HCN4: variants seen among roughly 807,000 people sequenced by gnomAD.
HCN4 encodes hyperpolarization activated cyclic nucleotide gated potassium channel 4.
In HCN4, 29 loss-of-function variants were observed where a neutral mutation model predicts 76.9. That is an observed-to-expected ratio of 0.38 (90% CI 0.28 to 0.51). HCN4 has a LOEUF of 0.51. HCN4 is among the 20% of genes least tolerant of loss of function. The pLI, the probability that HCN4 is intolerant of heterozygous loss-of-function variation, is 0.90. For missense variants in HCN4, 1,416 were observed against 1,715.2 expected, an observed-to-expected ratio of 0.83 and a Z score of 3.08; for synonymous variants, 772 against 762.5, an observed-to-expected ratio of 1.01 and a Z score of -0.21.
At position 73,337,388 on chromosome 15, in the gene HCN4, G is replaced by A. The variant is rs957986269; in HGVS notation, c.1210-5096C>T. Among the ~76,000 whole-genome samples, 17 of 152,126 alleles carry A rather than the reference G, an allele frequency of 1.1e-4. 1 individual carries two copies. Among genetic ancestry groups the A allele is most frequent in the African/African-American group, 2.9e-4 (12 of 41,430 alleles). Reference sequence around the variant, plus strand: ...TGAATAAATGCGCGTACATCTAAATGAATGAGTGGGTACCATATGGGAGCT... The same window carrying A: ...TGAATAAATGCGCGTACATCTAAATAAATGAGTGGGTACCATATGGGAGCT... On this transcript the variant is annotated intron_variant, in intron 2 of 7. Coordinates refer to ENST00000261917, the MANE Select transcript of HCN4 (RefSeq NM_005477.3).
At chr15:73,354,474 C>T (rs186454181) in intron 1 of HCN4, among the ~76,000 whole-genome samples, 6 of 152,320 alleles carry the variant, frequency 3.9e-5, no homozygotes, top group East Asian at 3.9e-4. Flanking sequence ...GGACTTCAGT[C>T]GGCTGTGGGG....
rs187267246 is a variant in HCN4, at chr15:73,361,782, G to A, written c.785+5704C>T. On this transcript the variant is annotated intron_variant, in intron 1 of 7. Coordinates refer to ENST00000261917, the MANE Select transcript of HCN4 (RefSeq NM_005477.3). ...AAGTGACAAGCAAGCCCAGCCCCCA[G>A]GGGCGGCTGCTGGCCATAGCCTGGG... Among the ~76,000 whole-genome samples the A allele has an allele frequency of 6.9e-3, 1,056 of 152,332 alleles. 52 individuals are homozygous for A. Among genetic ancestry groups the A allele is most frequent in the Admixed American group, 0.065 (990 of 15,310 alleles).
chr15:73,358,852 AT>A (rs1452049948), intron 1 of HCN4, among the ~76,000 whole-genome samples: 10 of 152,246 alleles, frequency 6.6e-5, no homozygotes, highest in Admixed American at 2.0e-4. Context: ...ATCAATCCAT[AT>A]TGATCTATTG....
rs371549467 is a variant in HCN4, at chr15:73,323,156, G to C, written c.2937C>G (p.Pro979=). The C allele has an allele frequency of 6.3e-7, 1 of 1,574,944 alleles. No homozygotes were observed. Among genetic ancestry groups the C allele is most frequent in the Non-Finnish European group, 8.6e-7 (1 of 1,161,660 alleles). The change falls in exon 8 of 8, where the codon CCC becomes CCG. Residue 979 remains proline, a synonymous_variant. Coordinates refer to ENST00000261917, the MANE Select transcript of HCN4 (RefSeq NM_005477.3). The part of the protein sequence containing the change: ...SSSPGQLGQP[P]GELSLGLATG... ...TGGCCAGACCTAGGGACAACTCCCC[G>C]GGAGGCTGGCCCAGCTGCCCGGGGC...
intron 1 of HCN4, among the ~76,000 whole-genome samples, chr15:73,350,417 C>T (rs1301225269): frequency 6.6e-6 from 1 of 152,200 alleles, no homozygotes; most frequent in Non-Finnish European, 1.5e-5. Context: ...GCTCCTCATG[C>T]CTCAATGTCA....
rs146393634 is a variant in HCN4, at chr15:73,330,970, C to G, written c.1371+1161G>C. 1.6e-3 allele frequency among the ~76,000 whole-genome samples: 240 copies of G among 152,366 alleles called. 1 individual carries two copies. Among genetic ancestry groups the G allele is most frequent in the Admixed American group, 0.014 (216 of 15,310 alleles). ...CATTTACACTTAGCTCATCAAAAGG[C>G]TGTTTTGTAAAGGCCTGTTTGATGC... On this transcript the variant is annotated intron_variant, in intron 3 of 7. Transcript: ENST00000261917.
chr15:73,352,278 G>T (rs1179205789), intron 1 of HCN4, among the ~76,000 whole-genome samples: 1 of 152,174 alleles, frequency 6.6e-6, no homozygotes, highest in Non-Finnish European at 1.5e-5. Context: ...AGGCTGAGTG[G>T]CAGGGAGCCC....
chr15:73,325,465 C>A lies in HCN4; in HGVS notation c.1591-21G>T. 1 of 1,613,390 alleles carries A rather than the reference C, an allele frequency of 6.2e-7. No individual in the cohort carries two copies. The highest frequency in any genetic ancestry group is 1.1e-5 in the South Asian group (1 of 91,076). On this transcript the variant is annotated intron_variant, in intron 4 of 7. Coordinates refer to ENST00000261917, the MANE Select transcript of HCN4 (RefSeq NM_005477.3). This position sits in a 1 kb window ranked among gnomAD's most constrained non-coding sequence, Gnocchi z 7.4. ...TTGTACTGAGGCCGGGAGAAGGGGG[C>A]GTCAGCTCCACCCCACCAGGGGGCG...
At chr15:73,360,856 G>T (rs2043101940) in intron 1 of HCN4, among the ~76,000 whole-genome samples, 1 of 152,206 alleles carries the variant, frequency 6.6e-6, no homozygotes, top group African/African-American at 2.4e-5. Flanking sequence ...GCCTACAGGG[G>T]TCAGGCAGCT....
intron 1 of HCN4, among the ~76,000 whole-genome samples, chr15:73,359,998 T>C (rs567141121): frequency 2.6e-5 from 4 of 152,314 alleles, no homozygotes; most frequent in Admixed American, 6.5e-5. Flanking sequence ...GGAGGTGAGC[T>C]GGCATCCCAG....
intron 4 of HCN4, among the ~76,000 whole-genome samples, chr15:73,327,128 A>G (rs1253287835): frequency 1.4e-5 from 2 of 138,284 alleles, no homozygotes; most frequent in Admixed American, 7.5e-5. Context: ...TTTTTTTGAG[A>G]TGGAGTCTCC....
intron 7 of HCN4, 69 bp downstream of exon 7, chr15:73,324,020 G>A: frequency 2.5e-6 from 4 of 1,611,418 alleles, no homozygotes; most frequent in Non-Finnish European, 3.4e-6. Flanking sequence ...CCTGGCTTAG[G>A]CATAAAGGAG....
intron 1 of HCN4, among the ~76,000 whole-genome samples, chr15:73,360,927 G>A (rs1014595161): frequency 2.0e-5 from 3 of 152,206 alleles, no homozygotes; most frequent in African/African-American, 7.2e-5. Context: ...CTGGGGACCT[G>A]CACAACTGCA....
At chr15:73,352,992 G>A (rs1595832286) in intron 1 of HCN4, among the ~76,000 whole-genome samples, 1 of 148,852 alleles carries the variant, frequency 6.7e-6, no homozygotes, top group African/African-American at 2.6e-5. Flanking sequence ...ATTGTTAAAT[G>A]GATGGATGGA....
In HCN4 at chr15:73,367,915, T is replaced by C; in HGVS notation, c.356A>G (p.His119Arg). The change falls in exon 1 of 8, where the codon CAC (histidine) becomes CGC (arginine). Residue 119 changes from histidine to arginine, a missense_variant. Coordinates refer to ENST00000261917, the MANE Select transcript of HCN4 (RefSeq NM_005477.3). This position sits in a 1 kb window ranked among gnomAD's most constrained non-coding sequence, Gnocchi z 7.5. ...CTCCGCGGAGTCATGCAGGTGTCCGTGACTGCTGCCGCTCCCCGTGCCGCC... is the reference window on the plus strand; with the variant it reads ...CTCCGCGGAGTCATGCAGGTGTCCGCGACTGCTGCCGCTCCCCGTGCCGCC... ...GSGGTGSGSS[H>R]GHLHDSAEER... 1 of 1,383,812 alleles carries C rather than the reference T, an allele frequency of 7.2e-7. No homozygotes were observed. The highest frequency in any genetic ancestry group is 9.3e-7 in the Non-Finnish European group (1 of 1,071,406). The allele number at this position is 1,383,812 out of a possible 1,614,324, so 85.7% of individuals were successfully genotyped here.
chr15:73,343,439 G>A lies in HCN4; in HGVS notation c.1155C>T (p.Leu385=), dbSNP rs886039019. 1 of 1,614,208 alleles carries A rather than the reference G, an allele frequency of 6.2e-7. No homozygotes were observed. Among genetic ancestry groups the A allele is most frequent in the Non-Finnish European group, 8.5e-7 (1 of 1,180,044 alleles). ...RIVRFTKILS[L]LRLLRLSRLI... is the part of the protein sequence containing the mutation. ...GGCGGGAGAGGCGTAACAGGCGTAA[G>A]AGGCTGAGGATCTTCGTGAAGCGGA... The change falls in exon 2 of 8, where the codon CTC becomes CTT. Residue 385 remains leucine (L), a synonymous_variant. Transcript: ENST00000261917. This position sits in a 1 kb window ranked among gnomAD's most constrained non-coding sequence, Gnocchi z 5.7.
Position 73,357,303 on chromosome 15 carries a change from G to A in HCN4, c.785+10183C>T, listed in dbSNP as rs1021706787. Among the ~76,000 whole-genome samples, 17 of 152,288 alleles carry A rather than the reference G, an allele frequency of 1.1e-4. 4 individuals carry two copies. Among genetic ancestry groups the A allele is most frequent in the Admixed American group, 9.8e-4 (15 of 15,294 alleles). On this transcript the variant is annotated intron_variant, in intron 1 of 7. Transcript: ENST00000261917. ...TTCACAGGCTTGTCCCCTAGACTCTGTCCCCAGGAGCTACAGAGCAACCCA... is the reference window on the plus strand; with the variant it reads ...TTCACAGGCTTGTCCCCTAGACTCTATCCCCAGGAGCTACAGAGCAACCCA...
At chr15:73,337,466 A>G (rs1168403864) in intron 2 of HCN4, among the ~76,000 whole-genome samples, 1 of 152,224 alleles carries the variant, frequency 6.6e-6, no homozygotes, top group African/African-American at 2.4e-5. Context: ...CACAGGCCAC[A>G]GTAACTGCTC....
rs574338540 is a variant in HCN4 at position 73,323,965 on chromosome 15, A to T, written c.2144-16T>A. The T allele has an allele frequency of 6.2e-7, 1 of 1,607,750 alleles. No individual in the cohort carries two copies. The highest frequency in any genetic ancestry group is 1.1e-5 in the South Asian group (1 of 91,086). On this transcript the variant is annotated splice_polypyrimidine_tract_variant and intron_variant, in intron 7 of 7. Transcript: ENST00000261917. ...TTCTTCTTGCCTGGGCCACAGAACA[A>T]GAACAGGCACTCAGGGCAGAGCGGG...
Sources: gnomAD v4.1 joint callset for allele counts (sites outside exome capture counted in the v4.1 genomes callset) on GRCh38, gnomAD v4.1.1 for gene constraint, Gnocchi (gnomAD v3.1) non-coding constraint, MANE v1.5 for transcripts, NCBI Gene and HGNC (gene_info 2026-07-23, HGNC 2026-07-21) for gene names.